Variants in LMNB2 observed in about 807,000 individuals in gnomAD.
LMNB2 encodes the protein lamin B2, also known as lamin-B2.
LMNB2 carries 17 observed loss-of-function variants against 69.3 expected under a neutral mutation model. The observed-to-expected ratio is 0.25, with a 90% CI of 0.17 to 0.37. The LOEUF (loss-of-function observed/expected upper bound fraction) is 0.37. LMNB2 is among the 10% of genes least tolerant of loss of function. The probability of loss-of-function intolerance (pLI) is 1.00; values close to 1 mark genes in which losing one functional copy is unlikely to be tolerated. For missense variants in LMNB2, 789 were observed against 883.6 expected (o/e 0.89, Z 1.36); for synonymous variants, 397 against 389.3 (o/e 1.02, Z -0.23).
rs1447787297 is a variant in LMNB2 at position 2,430,394 on chromosome 19, G to C, written c.*517C>G. On this transcript the variant is annotated 3_prime_UTR_variant, in exon 12 of 12. Coordinates refer to ENST00000325327, the MANE Select transcript of LMNB2 (RefSeq NM_032737.4). ...GCCATCCCCATGCTGGCCCACACCC[G>C]CTGCGTGGCTGCCTGAGGAGTTCCC... 5.1e-6 allele frequency: 1 copy of C among 195,106 alleles called. No homozygotes were observed. Among genetic ancestry groups the C allele is most frequent in the African/African-American group, 2.4e-5 (1 of 42,522 alleles). 12.1% of individuals were successfully genotyped at this position (195,106 alleles called of 1,614,324 possible).
chr19:2,438,105 A>G (rs2145453982), intron 4 of LMNB2, 58 bp downstream of exon 4: 5 of 1,608,134 alleles, frequency 3.1e-6, no homozygotes, highest in Non-Finnish European at 3.4e-6. Flanking sequence ...CTCCACAGCC[A>G]TGAGGGTGGA....
At chr19:2,432,043 G>A (rs1201316929) in intron 9 of LMNB2, 141 bp from the exon 10 acceptor site, 1 of 1,118,594 alleles carries the variant, frequency 8.9e-7, no homozygotes. Flanking sequence ...TATCCAGGGT[G>A]ATGGTCCCCA....
At position 2,447,909 on chromosome 19, in the gene LMNB2, C is replaced by T. The variant is rs1286690814; in HGVS notation, c.265-3369G>A. 6.6e-6 allele frequency among the ~76,000 whole-genome samples: 1 copy of T among 152,224 alleles called. No individual in the cohort carries two copies. The highest frequency in any genetic ancestry group is 1.5e-5 in the Non-Finnish European group (1 of 68,040). The stretch of plus-strand genomic sequence containing the variant: ...CCAGCACCGCAGCTCCAAGTCCCGT[C>T]AGCCTACAGTGGGGCGGGATAAGGG... On this transcript the variant is annotated intron_variant, in intron 1 of 11. Coordinates refer to ENST00000325327, the MANE Select transcript of LMNB2 (RefSeq NM_032737.4). The surrounding 1 kb of genome is among the most constrained non-coding windows in gnomAD (Gnocchi z 4.4).
At chr19:2,435,223 A>G in intron 4 of LMNB2, 52 bp from the exon 5 acceptor site, 1 of 1,593,630 alleles carries the variant, frequency 6.3e-7, no homozygotes. Flanking sequence ...CCCAAGCACC[A>G]GGCCCAAGGG....
At chr19:2,438,917 C>T (rs918080579) in intron 2 of LMNB2, among the ~76,000 whole-genome samples, 4 of 152,088 alleles carry the variant, frequency 2.6e-5, no homozygotes, top group Non-Finnish European at 2.9e-5. Context: ...CTGTCTGAAG[C>T]AGGCTCACCT....
At chr19:2,438,129 C>T (rs1158577325) in intron 4 of LMNB2, 34 bp downstream of exon 4, 1 of 1,612,428 alleles carries the variant, frequency 6.2e-7, no homozygotes, top group African/African-American at 1.3e-5. Flanking sequence ...TGCGTTTCCG[C>T]TGTGCCAGGC....
At position 2,443,418 on chromosome 19, in the gene LMNB2, T is replaced by G. The variant is rs1050638254; in HGVS notation, c.401+986A>C. On this transcript the variant is annotated intron_variant, in intron 2 of 11. Coordinates refer to ENST00000325327, the MANE Select transcript of LMNB2 (RefSeq NM_032737.4). The surrounding 1 kb of genome is among the most constrained non-coding windows in gnomAD (Gnocchi z 6.2). ...TGGACACAGGGTCCCCGGTCATTCCTCTGGCCACACTCCAACTCAGGGACA... is the reference window on the plus strand; with the variant it reads ...TGGACACAGGGTCCCCGGTCATTCCGCTGGCCACACTCCAACTCAGGGACA... Among the ~76,000 whole-genome samples, 6 of 152,178 alleles carry G rather than the reference T, an allele frequency of 3.9e-5. No homozygotes were observed. Among genetic ancestry groups the G allele is most frequent in the Non-Finnish European group, 8.8e-5 (6 of 68,016 alleles).
chr19:2,430,828 C>T lies in LMNB2; in HGVS notation c.*83G>A. On this transcript the variant is annotated 3_prime_UTR_variant, in exon 12 of 12. Coordinates refer to ENST00000325327, the MANE Select transcript of LMNB2 (RefSeq NM_032737.4). ...GCTTAGAAATTCTCTAGAAATGTAT[C>T]AAGAACTAAAGAAAGCCAATGATAT... The T allele has an allele frequency of 4.2e-6, 4 of 954,618 alleles. No homozygotes were observed. The highest frequency in any genetic ancestry group is 6.9e-6 in the Non-Finnish European group (4 of 577,764). 59.1% of individuals were successfully genotyped at this position (954,618 alleles called of 1,614,324 possible).
intron 2 of LMNB2, among the ~76,000 whole-genome samples, chr19:2,439,035 CTTTTTTTTTTTTT>C (rs397945879): frequency 0.093 from 6,108 of 65,772 alleles, 233 homozygotes; most frequent in Middle Eastern, 0.19. Context: ...GGCACTTAAG[CTTTTTTTTTTTTT>C]TTTTTTTTTT....
chr19:2,450,270 G>A (rs191837055), intron 1 of LMNB2, among the ~76,000 whole-genome samples: 3 of 152,142 alleles, frequency 2.0e-5, no homozygotes, highest in Admixed American at 6.5e-5. Flanking sequence ...AACCAGGAAC[G>A]TGGGGGAAAC....
In LMNB2 at chr19:2,440,784, ATCATCCATCCATCTAC is replaced by A. The variant is rs1277280741; in HGVS notation, c.402-2269_402-2254del. 5.3e-5 allele frequency among the ~76,000 whole-genome samples: 8 copies of A among 150,470 alleles called. No individual in the cohort carries two copies. In the East Asian group the frequency reaches 1.6e-3, roughly 30 times the overall value. Reference sequence around the variant, plus strand: ...TCATCTATCTATCCATTATCTATCCATCATCCATCCATCTACTCATCCATCCATCATCCGTCCACCC... The same window carrying A: ...TCATCTATCTATCCATTATCTATCCATCATCCATCCATCATCCGTCCACCC... On this transcript the variant is annotated intron_variant, in intron 2 of 11. Transcript: ENST00000325327.
At position 2,438,205 on chromosome 19, in the gene LMNB2, G is replaced by A. The variant is rs566081519; in HGVS notation, c.642C>T (p.Ser214=). Residue 214 remains serine, a synonymous_variant, in exon 4 of 12, where the codon AGC becomes AGT. Transcript: ENST00000325327. The part of the protein sequence containing the change: ...MRVDLENRCQ[S]LQEELDFRKS... ...TCCGGAAGTCCAGCTCCTCCTGCAG[G>A]CTCTGGCAGCGGTTCTCCAGGTCCA... The A allele has an allele frequency of 1.5e-5, 24 of 1,614,044 alleles. No homozygotes were observed. The African/African-American group carries it at 2.7e-4, about 18-fold the overall frequency.
rs4806850 is a variant in LMNB2 at position 2,447,324 on chromosome 19, C to G, written c.265-2784G>C. Among the ~76,000 whole-genome samples, 141,260 of 152,170 alleles carry G rather than the reference C, an allele frequency of 0.93. 65,824 individuals are homozygous for G. The highest frequency in any genetic ancestry group is 1 in the East Asian group (5,176 of 5,180). On this transcript the variant is annotated intron_variant, in intron 1 of 11. Transcript: ENST00000325327. The surrounding 1 kb of genome is among the most constrained non-coding windows in gnomAD (Gnocchi z 4.4). The stretch of plus-strand genomic sequence containing the variant: ...CACTCATGAGACGCCAGACACAAAA[C>G]GCCACACAGTGTGTAATCCCATTTC...
chr19:2,435,947 G>A (rs1293630115), intron 4 of LMNB2, among the ~76,000 whole-genome samples: 2 of 151,668 alleles, frequency 1.3e-5, no homozygotes, highest in African/African-American at 4.8e-5. Context: ...TCAGGAGTTC[G>A]AGACCAGCCT....
At chr19:2,437,455 AC>A (rs1352690358) in intron 4 of LMNB2, among the ~76,000 whole-genome samples, 1 of 152,234 alleles carries the variant, frequency 6.6e-6, no homozygotes, top group East Asian at 1.9e-4. Context: ...GGGTGGGAAC[AC>A]CAAGCTTTTA....
chr19:2,452,936 C>T (rs12986399), intron 1 of LMNB2, among the ~76,000 whole-genome samples: 5 of 66,344 alleles, frequency 7.5e-5, no homozygotes, highest in East Asian at 3.7e-4. Context: ...ATGGGGGCTG[C>T]GTCATCCTCA....
chr19:2,438,282 C>T lies in LMNB2; in HGVS notation c.565G>A (p.Asp189Asn), dbSNP rs1568204015. The change falls in exon 4 of 12, where the codon GAC becomes AAC. Residue 189 changes from aspartate to asparagine, a missense_variant. Transcript: ENST00000325327. Reference protein sequence around the residue: ...ELRAQLAKAEDGHAVAKKQLE... With the variant: ...ELRAQLAKAENGHAVAKKQLE... ...TGCTTTTTGGCCACTGCATGACCGT[C>T]CTCGGCCTGGGAGACACAGGACAGC... 1 of 1,614,036 alleles carries T rather than the reference C, an allele frequency of 6.2e-7. No homozygotes were observed. Among genetic ancestry groups the T allele is most frequent in the Non-Finnish European group, 8.5e-7 (1 of 1,180,028 alleles).
At chr19:2,448,691 CA>C (rs1225737805) in intron 1 of LMNB2, among the ~76,000 whole-genome samples, 32 of 151,914 alleles carry the variant, frequency 2.1e-4, no homozygotes, top group Non-Finnish European at 4.6e-4. Context: ...ACTAAAAATA[CA>C]AAAAAATTAG....
In LMNB2 at chr19:2,443,729, T is replaced by C. The variant is rs1023824237; in HGVS notation, c.401+675A>G. On this transcript the variant is annotated intron_variant, in intron 2 of 11. Coordinates refer to ENST00000325327, the MANE Select transcript of LMNB2 (RefSeq NM_032737.4). This position sits in a 1 kb window ranked among gnomAD's most constrained non-coding sequence, Gnocchi z 6.2. Reference sequence around the variant, plus strand: ...TCAAGAAAAGCCTTGAGCTCAGTGTTTCATTGGCCTCCTGGCTCCTCTGAA... The same window carrying C: ...TCAAGAAAAGCCTTGAGCTCAGTGTCTCATTGGCCTCCTGGCTCCTCTGAA... 1.3e-5 allele frequency among the ~76,000 whole-genome samples: 2 copies of C among 152,192 alleles called. No homozygotes were observed.
Sources: allele counts gnomAD v4.1 joint callset (sites outside exome capture counted in the v4.1 genomes callset), GRCh38; gene constraint gnomAD v4.1.1; non-coding constraint Gnocchi (gnomAD v3.1); transcripts MANE v1.5; gene names NCBI Gene and HGNC (gene_info 2026-07-23, HGNC 2026-07-21).